Variants in SDCCAG8 observed in about 807,000 individuals in gnomAD.
The protein encoded by SDCCAG8 is SHH signaling and ciliogenesis regulator SDCCAG8, also known as serologically defined colon cancer antigen 8.
SDCCAG8 carries 74 observed loss-of-function variants against 101.8 expected under a neutral mutation model. The ratio of observed to expected loss-of-function variants is 0.73; its 90% confidence interval spans 0.60 to 0.88. The LOEUF is 0.88. Ranked by LOEUF, SDCCAG8 falls within the 40% of genes least tolerant of loss-of-function variation. The pLI, the probability that SDCCAG8 is intolerant of heterozygous loss-of-function variation, is 0.00. For synonymous variants in SDCCAG8, 281 were observed against 292.9 expected, an observed-to-expected ratio of 0.96 and a Z score of 0.41; for missense variants, 787 against 822.6, an observed-to-expected ratio of 0.96 and a Z score of 0.53.
At position 243,308,152 on chromosome 1, in the gene SDCCAG8, A is replaced by T. The variant is rs1187785931; in HGVS notation, c.904A>T (p.Met302Leu). The T allele has an allele frequency of 6.2e-7, 1 of 1,614,196 alleles. No homozygotes were observed. The highest frequency in any genetic ancestry group is 1.3e-5 in the African/African-American group (1 of 75,068). The part of the protein sequence containing the change: ...VLSQTHTNVH[M>L]QTIERLVKER... ...TTCCCAAACCCATACTAATGTTCATATGCAGACCATCGAAAGACTGGTTAA... is the reference window on the plus strand; with the variant it reads ...TTCCCAAACCCATACTAATGTTCATTTGCAGACCATCGAAAGACTGGTTAA... Residue 302 changes from methionine to leucine, a missense_variant, in exon 8 of 18, where the codon ATG becomes TTG. Transcript: ENST00000366541.
chr1:243,493,811 G>A (rs944079618), intron 17 of SDCCAG8, among the ~76,000 whole-genome samples: 2 of 151,834 alleles, frequency 1.3e-5, no homozygotes, highest in Non-Finnish European at 2.9e-5. Flanking sequence ...ATAGAAGAGA[G>A]CCGAAAACAA....
At chr1:243,418,998 G>C (rs549201124) in intron 15 of SDCCAG8, among the ~76,000 whole-genome samples, 1 of 152,226 alleles carries the variant, frequency 6.6e-6, no homozygotes, top group South Asian at 2.1e-4. Context: ...TACTGACCTA[G>C]ATGTTTCATT....
intron 7 of SDCCAG8, chr1:243,306,556 T>G (rs2072152540): frequency 6.6e-6 from 1 of 152,186 alleles, no homozygotes; most frequent in Admixed American, 6.5e-5. Flanking sequence ...TTCAACTTTC[T>G]TTTTAACTTT....
chr1:243,331,032 T>C (rs888632789), intron 10 of SDCCAG8, among the ~76,000 whole-genome samples: 1 of 152,160 alleles, frequency 6.6e-6, no homozygotes, highest in African/African-American at 2.4e-5. Context: ...CAACCTTGGC[T>C]AAATCAAGGA....
chr1:243,291,654 T>G lies in SDCCAG8; in HGVS notation c.547-1437T>G, dbSNP rs140078772. ...AATAAAGGACTTTAAAGGAAAAAAC[T>G]GTTCCTTTTTCTCATAATGCTTCTG... On this transcript the variant is annotated intron_variant, in intron 5 of 17. Coordinates refer to ENST00000366541, the MANE Select transcript of SDCCAG8 (RefSeq NM_006642.5). Among the ~76,000 whole-genome samples the G allele has an allele frequency of 8.6e-3, 1,315 of 152,318 alleles. 25 individuals are homozygous for G. Among genetic ancestry groups the G allele is most frequent in the African/African-American group, 0.03 (1,264 of 41,578 alleles).
At chr1:243,392,304 A>C (rs561432883) in intron 13 of SDCCAG8, among the ~76,000 whole-genome samples, 14 of 152,304 alleles carry the variant, frequency 9.2e-5, no homozygotes, top group Non-Finnish European at 1.6e-4. Flanking sequence ...TGGCAAGGCT[A>C]TTTGGGGCAC....
chr1:243,415,946 C>A, intron 14 of SDCCAG8, 117 bp downstream of exon 14: 2 of 1,174,398 alleles, frequency 1.7e-6, no homozygotes, highest in Non-Finnish European at 2.4e-6. Flanking sequence ...GGAGCAGATG[C>A]TAACTACACC....
At chr1:243,467,472 A>G (rs1430268794) in intron 16 of SDCCAG8, among the ~76,000 whole-genome samples, 1 of 152,204 alleles carries the variant, frequency 6.6e-6, no homozygotes, top group Non-Finnish European at 1.5e-5. Flanking sequence ...ACAAGAGGAG[A>G]GTTCACAAGA....
chr1:243,347,913 A>T (rs1216327906), intron 12 of SDCCAG8, among the ~76,000 whole-genome samples: 1 of 152,214 alleles, frequency 6.6e-6, no homozygotes, highest in African/African-American at 2.4e-5. Flanking sequence ...TTGTTCAGAA[A>T]GCAGGAAAGA....
At chr1:243,496,086 A>C (rs1667783032) in intron 17 of SDCCAG8, among the ~76,000 whole-genome samples, 3 of 152,240 alleles carry the variant, frequency 2.0e-5, no homozygotes, top group Non-Finnish European at 2.9e-5. Flanking sequence ...TGAAACCAAC[A>C]GGATTAGTGC....
chr1:243,436,599 C>A (rs1051058082), intron 16 of SDCCAG8, among the ~76,000 whole-genome samples: 3 of 152,082 alleles, frequency 2.0e-5, no homozygotes, highest in Non-Finnish European at 4.4e-5. Flanking sequence ...TTCATTAAGT[C>A]TTTAGGAACA....
At chr1:243,337,877 C>T (rs2075118619) in intron 10 of SDCCAG8, among the ~76,000 whole-genome samples, 1 of 121,240 alleles carries the variant, frequency 8.2e-6, no homozygotes. Flanking sequence ...TTCTGAATCT[C>T]ATTTTTTCAA....
intron 15 of SDCCAG8, among the ~76,000 whole-genome samples, 192 bp from the exon 16 acceptor site, chr1:243,426,235 T>C (rs2081329981): frequency 6.6e-6 from 1 of 152,238 alleles, no homozygotes; most frequent in African/African-American, 2.4e-5. Flanking sequence ...TTATTCCTTT[T>C]TCTGTCTAAC....
At chr1:243,271,171 G>A in intron 3 of SDCCAG8, 108 bp downstream of exon 3, 1 of 752,098 alleles carries the variant, frequency 1.3e-6, no homozygotes, top group Non-Finnish European at 2.4e-6. Context: ...TACTAATAGT[G>A]AAAAACATTA....
chr1:243,272,245 T>TA (rs1485307766), intron 3 of SDCCAG8, among the ~76,000 whole-genome samples: 9 of 152,246 alleles, frequency 5.9e-5, no homozygotes, highest in African/African-American at 2.2e-4. Flanking sequence ...ATGTGTTTTC[T>TA]AGTTCAATAC....
intron 10 of SDCCAG8, among the ~76,000 whole-genome samples, chr1:243,332,136 C>T (rs962969609): frequency 1.3e-5 from 2 of 152,102 alleles, no homozygotes; most frequent in African/African-American, 2.4e-5. Flanking sequence ...TGGAAAGCAT[C>T]GCACTTTCTA....
intron 17 of SDCCAG8, 129 bp downstream of exon 17, chr1:243,489,269 C>G (rs1471482640): frequency 1.6e-6 from 2 of 1,272,692 alleles, no homozygotes; most frequent in Admixed American, 2.1e-5. Context: ...AGGGAGGTCC[C>G]GAAGACTGTG....
intron 13 of SDCCAG8, among the ~76,000 whole-genome samples, chr1:243,384,488 G>GT (rs1287164481): frequency 6.6e-6 from 1 of 151,970 alleles, no homozygotes; most frequent in Non-Finnish European, 1.5e-5. Flanking sequence ...AAATATATAT[G>GT]TTTAAGTATA....
intron 3 of SDCCAG8, 135 bp downstream of exon 3, chr1:243,271,198 C>G (rs950717530): frequency 1.5e-6 from 1 of 670,986 alleles, no homozygotes; most frequent in Non-Finnish European, 2.7e-6. Flanking sequence ...ATTCTCTTCC[C>G]TCTGATTATT....
Sources: gnomAD v4.1 joint callset for allele counts (sites outside exome capture counted in the v4.1 genomes callset) on GRCh38, gnomAD v4.1.1 for gene constraint, MANE v1.5 for transcripts, NCBI Gene and HGNC (gene_info 2026-07-23, HGNC 2026-07-21) for gene names.